Variants in PPM1L observed in about 807,000 individuals in gnomAD.
The protein encoded by PPM1L is protein phosphatase 1L.
Under a neutral mutation model 31.4 loss-of-function variants are expected in PPM1L, and 13 were observed. That is an observed-to-expected ratio of 0.41 (90% CI 0.27 to 0.66). PPM1L has a LOEUF of 0.66. Among genes scored for constraint, PPM1L ranks in the 30% least tolerant of loss-of-function variants. The probability of loss-of-function intolerance (pLI) is 0.29; values close to 1 mark genes in which losing one functional copy is unlikely to be tolerated. For synonymous variants in PPM1L, 184 were observed against 175.4 expected (o/e 1.05, Z -0.39); for missense variants, 326 against 453.7 (o/e 0.72, Z 2.56).
intron 2 of PPM1L, among the ~76,000 whole-genome samples, chr3:161,019,976 A>G (rs1718194453): frequency 6.6e-6 from 1 of 152,040 alleles, no homozygotes; most frequent in African/African-American, 2.4e-5. Context: ...AATACAAAAA[A>G]TTACCTGAGT....
chr3:160,849,422 T>C (rs971246106), intron 1 of PPM1L, among the ~76,000 whole-genome samples: 1 of 151,504 alleles, frequency 6.6e-6, no homozygotes, highest in African/African-American at 2.4e-5. Context: ...TTTCTTTCTT[T>C]TTTTTTTTTA....
intron 2 of PPM1L, among the ~76,000 whole-genome samples, chr3:161,049,095 C>T (rs535597009): frequency 2.2e-4 from 33 of 148,782 alleles, no homozygotes; most frequent in Non-Finnish European, 4.0e-4. Context: ...AAAAAAACCA[C>T]GGTGAGACAT....
chr3:161,015,949 C>T lies in PPM1L; in HGVS notation c.575-49454C>T, dbSNP rs918158616. ...CACCTTAAAAAGTGAGGAGTGCCCA[C>T]AGTTCCCAGCCCTTGAGAAATCCCA... On this transcript the variant is annotated intron_variant, in intron 2 of 3. Coordinates refer to ENST00000498165, the MANE Select transcript of PPM1L (RefSeq NM_139245.4). Among the ~76,000 whole-genome samples the T allele has an allele frequency of 2.6e-5, 4 of 152,152 alleles. No individual in the cohort carries two copies. In the South Asian group the frequency reaches 8.3e-4, roughly 31 times the overall value.
chr3:160,975,517 C>T (rs934165071), intron 2 of PPM1L, among the ~76,000 whole-genome samples: 2 of 152,106 alleles, frequency 1.3e-5, no homozygotes, highest in African/African-American at 4.8e-5. Flanking sequence ...ATGGAATGTT[C>T]TTCCATTTGT....
intron 1 of PPM1L, among the ~76,000 whole-genome samples, chr3:160,760,654 C>T (rs1560100087): frequency 6.7e-6 from 1 of 150,248 alleles, no homozygotes; most frequent in Admixed American, 6.6e-5. Context: ...TGATTTTTGT[C>T]TAGGAAAATC....
intron 1 of PPM1L, among the ~76,000 whole-genome samples, chr3:160,932,676 T>C (rs1375629313): frequency 1.3e-5 from 2 of 152,202 alleles, no homozygotes; most frequent in East Asian, 3.9e-4. Flanking sequence ...CATTTATCCT[T>C]AGACCAAGAT....
intron 1 of PPM1L, among the ~76,000 whole-genome samples, chr3:160,827,477 GTGTGTGTATGTA>G (rs1713391396): frequency 1.3e-5 from 2 of 150,854 alleles, no homozygotes; most frequent in African/African-American, 2.4e-5. Context: ...GTGTGTGTGT[GTGTGTGTATGTA>G]TGTGTGTGTT....
At chr3:161,024,380 C>T (rs1718321920) in intron 2 of PPM1L, among the ~76,000 whole-genome samples, 1 of 151,992 alleles carries the variant, frequency 6.6e-6, no homozygotes. Context: ...TAGGGCTTTC[C>T]TACCTCGGAA....
chr3:160,801,550 G>T (rs536526221), intron 1 of PPM1L, among the ~76,000 whole-genome samples: 4 of 152,292 alleles, frequency 2.6e-5, no homozygotes, highest in Admixed American at 2.6e-4. Context: ...GACTATGTTT[G>T]TTCCCATGTG....
chr3:160,980,973 G>A (rs777962128), intron 2 of PPM1L, among the ~76,000 whole-genome samples: 2 of 152,134 alleles, frequency 1.3e-5, no homozygotes, highest in Non-Finnish European at 2.9e-5. Context: ...CTTCATGATG[G>A]AGAGGATTAC....
At position 161,070,344 on chromosome 3, in the gene PPM1L, A is replaced by AT. The variant is rs1347724685; in HGVS notation, c.*1190dup. The AT allele has an allele frequency of 1.3e-5, 2 of 152,206 alleles. No individual in the cohort carries two copies. Among genetic ancestry groups the AT allele is most frequent in the Non-Finnish European group, 2.9e-5 (2 of 68,038 alleles). 9.4% of individuals were successfully genotyped at this position (152,206 alleles called of 1,614,324 possible). On this transcript the variant is annotated 3_prime_UTR_variant, in exon 4 of 4. Transcript: ENST00000498165. ...CAATGGAAAGGCAGCAGTCTTCAAC[A>AT]TTTGGTTGCAAATCTCCATCCACAT...
intron 1 of PPM1L, among the ~76,000 whole-genome samples, chr3:160,956,645 G>A (rs919774263): frequency 2.0e-5 from 3 of 152,248 alleles, no homozygotes; most frequent in South Asian, 4.1e-4. Flanking sequence ...GCCTCATACA[G>A]CTTTAAGTGT....
In PPM1L at chr3:161,074,967, T is replaced by C. The variant is rs1032450245; in HGVS notation, c.*5810T>C. ...TTAAACACAAAATCCCACCTAACAT[T>C]TGCCAAATCCAAGTTAATCTCAAAA... is the stretch of plus-strand genomic sequence containing the variant. On this transcript the variant is annotated 3_prime_UTR_variant, in exon 4 of 4. Coordinates refer to ENST00000498165, the MANE Select transcript of PPM1L (RefSeq NM_139245.4). The C allele has an allele frequency of 6.6e-6, 1 of 152,086 alleles. No individual in the cohort carries two copies. 9.4% of individuals were successfully genotyped at this position (152,086 alleles called of 1,614,324 possible).
intron 1 of PPM1L, among the ~76,000 whole-genome samples, chr3:160,860,062 CCTAA>C (rs1262969767): frequency 2.0e-5 from 3 of 152,066 alleles, no homozygotes; most frequent in Non-Finnish European, 4.4e-5. Context: ...AATGAATGAG[CCTAA>C]CTAATTTAGT....
intron 1 of PPM1L, among the ~76,000 whole-genome samples, chr3:160,813,719 T>G (rs1195830081): frequency 6.6e-6 from 1 of 152,212 alleles, no homozygotes; most frequent in Non-Finnish European, 1.5e-5. Flanking sequence ...CTCTCATACT[T>G]CTATAACAAA....
At chr3:161,039,136 A>G (rs1004200976) in intron 2 of PPM1L, among the ~76,000 whole-genome samples, 14 of 152,190 alleles carry the variant, frequency 9.2e-5, no homozygotes, top group Non-Finnish European at 2.9e-5. Flanking sequence ...GACAACCAGC[A>G]GCCCTTGGGG....
intron 1 of PPM1L, among the ~76,000 whole-genome samples, chr3:160,943,819 G>A (rs1209338787): frequency 6.6e-6 from 1 of 152,146 alleles, no homozygotes; most frequent in Non-Finnish European, 1.5e-5. Flanking sequence ...GGTTTGTTGT[G>A]TGTGTCTCAT....
chr3:160,933,122 C>T (rs1714840108), intron 1 of PPM1L, among the ~76,000 whole-genome samples: 1 of 152,112 alleles, frequency 6.6e-6, no homozygotes, highest in East Asian at 1.9e-4. Context: ...CACATCTGTA[C>T]TTGTTTTCTG....
intron 3 of PPM1L, 83 bp downstream of exon 3, chr3:161,065,647 T>C: frequency 7.5e-7 from 1 of 1,333,648 alleles, no homozygotes; most frequent in Non-Finnish European, 1.1e-6. Flanking sequence ...CTGGATAAAA[T>C]GTCCAGTTAT....
Sources: gnomAD v4.1 joint callset for allele counts (sites outside exome capture counted in the v4.1 genomes callset) on GRCh38, gnomAD v4.1.1 for gene constraint, MANE v1.5 for transcripts, NCBI Gene and HGNC (gene_info 2026-07-23, HGNC 2026-07-21) for gene names.